Variants in BABAM2 observed in about 807,000 individuals in gnomAD.
The protein encoded by BABAM2 is BRISC and BRCA1 A complex member 2.
Under a neutral mutation model 54.7 loss-of-function variants are expected in BABAM2, and 31 were observed. That is an observed-to-expected ratio of 0.57 (90% confidence interval 0.43 to 0.77). The LOEUF (loss-of-function observed/expected upper bound fraction) is 0.77. BABAM2 is among the 30% of genes least tolerant of loss of function. The probability of loss-of-function intolerance (pLI) is 0.00; values close to 1 mark genes in which losing one functional copy is unlikely to be tolerated. For missense variants in BABAM2, 364 were observed against 455.8 expected (o/e 0.80, Z 1.83); for synonymous variants, 167 against 162.9 (o/e 1.03, Z -0.19).
At chr2:27,986,683 A>C (rs1183309487) in intron 3 of BABAM2, among the ~76,000 whole-genome samples, 1 of 152,134 alleles carries the variant, frequency 6.6e-6, no homozygotes, top group African/African-American at 2.4e-5. Flanking sequence ...ATATTTAAGG[A>C]CTCAAATGAG....
chr2:28,153,472 A>G (rs143921131), intron 7 of BABAM2, among the ~76,000 whole-genome samples: 2 of 152,356 alleles, frequency 1.3e-5, no homozygotes, highest in East Asian at 3.9e-4. Context: ...AGTAGTCCAA[A>G]TCTTAGCCTC....
At chr2:28,252,423 C>G (rs971604972) in intron 10 of BABAM2, among the ~76,000 whole-genome samples, 3 of 152,182 alleles carry the variant, frequency 2.0e-5, no homozygotes, top group Non-Finnish European at 4.4e-5. Flanking sequence ...GTGGTTAGCT[C>G]TACTAGGCAA....
chr2:28,143,584 G>T (rs1017321785), intron 7 of BABAM2, among the ~76,000 whole-genome samples: 5 of 152,064 alleles, frequency 3.3e-5, no homozygotes, highest in Non-Finnish European at 7.4e-5. Context: ...CTATGTGTAT[G>T]TATATCAAAA....
rs1667962122 is a variant in BABAM2 at position 27,929,772 on chromosome 2, G to A, written c.129-60G>A. 33 of 1,454,912 alleles carry A rather than the reference G, an allele frequency of 2.3e-5. No homozygotes were observed. In the South Asian group the frequency reaches 3.5e-4, roughly 15 times the overall value. 90.1% of individuals were successfully genotyped at this position (1,454,912 alleles called of 1,614,324 possible). A position where few individuals can be genotyped will look rare whatever the true frequency, so the allele number is the denominator to read the frequency against. On this transcript the variant is annotated intron_variant, in intron 2 of 11. Transcript: ENST00000379624. ...TTTTGTTTAGTATCATAAACATGTG[G>A]GTTTTTAAAGTTTGTTTTTAAAAAA...
intron 6 of BABAM2, among the ~76,000 whole-genome samples, chr2:28,118,190 T>C (rs1668767814): frequency 6.6e-6 from 1 of 152,218 alleles, no homozygotes; most frequent in Non-Finnish European, 1.5e-5. Flanking sequence ...TATGTATGCA[T>C]GTGTCTTTAT....
chr2:28,156,827 A>T (rs776118587), intron 7 of BABAM2, among the ~76,000 whole-genome samples: 1 of 152,192 alleles, frequency 6.6e-6, no homozygotes, highest in Non-Finnish European at 1.5e-5. Context: ...AAATGAATAT[A>T]CGTAGTCTAG....
chr2:28,234,397 G>A (rs941053979), intron 7 of BABAM2, among the ~76,000 whole-genome samples: 1 of 152,040 alleles, frequency 6.6e-6, no homozygotes, highest in African/African-American at 2.4e-5. Flanking sequence ...ATCATTACAG[G>A]TAATTTTTGT....
chr2:28,047,945 G>A (rs974540060), intron 6 of BABAM2, among the ~76,000 whole-genome samples: 3 of 152,204 alleles, frequency 2.0e-5, no homozygotes, highest in African/African-American at 7.2e-5. Context: ...TAAAGTTGTT[G>A]TAACATGTGG....
At chr2:28,154,631 A>C (rs1021205508) in intron 7 of BABAM2, among the ~76,000 whole-genome samples, 1 of 151,768 alleles carries the variant, frequency 6.6e-6, no homozygotes, top group Non-Finnish European at 1.5e-5. Flanking sequence ...GCCCTTCTTT[A>C]TGTATTTTTT....
At chr2:28,197,462 A>G (rs902709887) in intron 7 of BABAM2, among the ~76,000 whole-genome samples, 1 of 152,210 alleles carries the variant, frequency 6.6e-6, no homozygotes, top group Non-Finnish European at 1.5e-5. Context: ...AAGTACCAAA[A>G]ACACTTGCTA....
rs1205888012 is a variant in BABAM2, at chr2:28,026,602, G to C, written c.495+1182G>C. ...TGTTGGTGGGGAGGAGGCTAGGGGAGGGATACCATTAGGAGACATACCTGA... is the reference window on the plus strand; with the variant it reads ...TGTTGGTGGGGAGGAGGCTAGGGGACGGATACCATTAGGAGACATACCTGA... On this transcript the variant is annotated intron_variant, in intron 5 of 11. Coordinates refer to ENST00000379624, the MANE Select transcript of BABAM2 (RefSeq NM_199191.3). Among the ~76,000 whole-genome samples, 4 of 149,942 alleles carry C rather than the reference G, an allele frequency of 2.7e-5. No individual in the cohort carries two copies. The East Asian group carries it at 7.9e-4, about 30-fold the overall frequency.
chr2:28,099,912 A>G (rs1405232310), intron 6 of BABAM2, among the ~76,000 whole-genome samples: 3 of 152,172 alleles, frequency 2.0e-5, no homozygotes, highest in African/African-American at 7.2e-5. Context: ...TTACTAGCAT[A>G]TAATCAGGAT....
intron 4 of BABAM2, among the ~76,000 whole-genome samples, chr2:27,998,929 A>G (rs1303550816): frequency 6.6e-6 from 1 of 152,226 alleles, no homozygotes; most frequent in Non-Finnish European, 1.5e-5. Context: ...CCAACCTTTC[A>G]AGAGGACTTT....
intron 10 of BABAM2, among the ~76,000 whole-genome samples, chr2:28,252,458 C>A (rs908930167): frequency 5.3e-5 from 8 of 152,158 alleles, no homozygotes; most frequent in Non-Finnish European, 1.2e-4. Flanking sequence ...TTTGATTATA[C>A]ACACAAGCAC....
At position 27,934,464 on chromosome 2, in the gene BABAM2, C is replaced by T. The variant is rs79099525; in HGVS notation, c.205+4556C>T. ...TCTTGGGCCTCCTTATTCCCTGAGA[C>T]ACAGCAGTATTGAAATTAGGCCAGT... On this transcript the variant is annotated intron_variant, in intron 3 of 11. Coordinates refer to ENST00000379624, the MANE Select transcript of BABAM2 (RefSeq NM_199191.3). Among the ~76,000 whole-genome samples, 407 of 152,272 alleles carry T rather than the reference C, an allele frequency of 2.7e-3. 3 individuals are homozygous for T. Among genetic ancestry groups the T allele is most frequent in the African/African-American group, 9.4e-3 (389 of 41,548 alleles).
intron 3 of BABAM2, among the ~76,000 whole-genome samples, chr2:27,934,096 G>A (rs1435437842): frequency 6.6e-6 from 1 of 151,532 alleles, no homozygotes; most frequent in Admixed American, 6.6e-5. Flanking sequence ...TTGATGGTTT[G>A]TGGCAATCCT....
chr2:28,237,326 C>T, intron 8 of BABAM2, 25 bp downstream of exon 8: 1 of 1,582,498 alleles, frequency 6.3e-7, no homozygotes. Flanking sequence ...CCAACTCATC[C>T]CTCTTATGAG....
chr2:27,909,141 C>T (rs1007991033), intron 2 of BABAM2, among the ~76,000 whole-genome samples: 1 of 152,110 alleles, frequency 6.6e-6, no homozygotes, highest in Non-Finnish European at 1.5e-5. Flanking sequence ...ACCTCCTGGG[C>T]TCAAGCAATC....
intron 7 of BABAM2, among the ~76,000 whole-genome samples, chr2:28,182,236 A>G (rs1675720512): frequency 6.6e-6 from 1 of 152,218 alleles, no homozygotes; most frequent in African/African-American, 2.4e-5. Flanking sequence ...TTGGGGGAGA[A>G]TAGCGTGTGC....
Sources: allele counts gnomAD v4.1 joint callset (sites outside exome capture counted in the v4.1 genomes callset), GRCh38; gene constraint gnomAD v4.1.1; transcripts MANE v1.5; gene names NCBI Gene and HGNC (gene_info 2026-07-23, HGNC 2026-07-21).